SLC38A2: variants seen among roughly 807,000 people sequenced by gnomAD.
The protein encoded by SLC38A2 is sodium-coupled neutral amino acid symporter 2.
A neutral mutation model predicts 61.5 loss-of-function variants in SLC38A2; 11 were observed. The observed-to-expected ratio is 0.18, with a 90% CI of 0.11 to 0.30. SLC38A2 has a LOEUF of 0.30. SLC38A2 is among the 10% of genes least tolerant of loss of function. SLC38A2 has a pLI of 1.00. For synonymous variants in SLC38A2, 217 were observed against 212.5 expected (o/e 1.02, Z -0.18); for missense variants, 522 against 600.4 (o/e 0.87, Z 1.36).
chr12:46,369,823 T>G (rs1488932550), intron 4 of SLC38A2, among the ~76,000 whole-genome samples: 1 of 152,148 alleles, frequency 6.6e-6, no homozygotes, highest in Non-Finnish European at 1.5e-5. Context: ...ATCCACGTAT[T>G]TATGCTGGAA....
chr12:46,366,354 GTATTT>G (rs1291040597), intron 7 of SLC38A2, among the ~76,000 whole-genome samples: 1 of 152,078 alleles, frequency 6.6e-6, no homozygotes, highest in East Asian at 1.9e-4. Context: ...ATTTTATACA[GTATTT>G]TAATTAATTT....
At chr12:46,368,661 C>CTATTAGT (rs1184938375) in intron 4 of SLC38A2, among the ~76,000 whole-genome samples, 1 of 152,166 alleles carries the variant, frequency 6.6e-6, no homozygotes, top group African/African-American at 2.4e-5. Context: ...AAACTGATGT[C>CTATTAGT]TATTAGTTAA....
intron 4 of SLC38A2, 88 bp downstream of exon 4, chr12:46,370,424 C>T: frequency 2.1e-6 from 2 of 971,174 alleles, no homozygotes; most frequent in Non-Finnish European, 3.3e-6. Flanking sequence ...GTCAGCTACT[C>T]CAACTGTAAA....
Position 46,360,627 on chromosome 12 carries a change from TAAAAG to T in SLC38A2, c.*479_*483del. On this transcript the variant is annotated 3_prime_UTR_variant, in exon 16 of 16. Transcript: ENST00000256689. The stretch of plus-strand genomic sequence containing the variant: ...AATAAAGTTCAAAAAAGCAATTTCT[TAAAAG>T]TAAAAGAGTGCTTCTGAGGTCTTTA... The T allele has an allele frequency of 6.5e-6, 1 of 152,938 alleles. No individual in the cohort carries two copies. Among genetic ancestry groups the T allele is most frequent in the South Asian group, 2.1e-4 (1 of 4,830 alleles). 9.5% of individuals were successfully genotyped at this position (152,938 alleles called of 1,614,324 possible).
At position 46,364,504 on chromosome 12, in the gene SLC38A2, A is replaced by G; in HGVS notation, c.758T>C (p.Ile253Thr). The G allele has an allele frequency of 6.2e-7, 1 of 1,612,596 alleles. No individual in the cohort carries two copies. The highest frequency in any genetic ancestry group is 8.5e-7 in the Non-Finnish European group (1 of 1,179,292). The change falls in exon 10 of 16, where the codon ATT becomes ACT. Residue 253 changes from isoleucine (I) to threonine (T), a missense_variant. By Grantham distance (89) the Ile-to-Thr change is moderately conservative. Transcript: ENST00000256689. ...TAAGGTGGTGTTTATTGTTTCGTTA[A>G]TTATCAAAGCAGCTTCCACAGGACA... ...VPCPVEAALI[I>T]NETINTTLTQ...
chr12:46,362,971 A>C (rs1372110798), intron 13 of SLC38A2, 50 bp downstream of exon 13: 10 of 1,603,942 alleles, frequency 6.2e-6, no homozygotes, highest in Non-Finnish European at 8.5e-6. Context: ...ACCAATATTC[A>C]CATGTCTAAA....
intron 13 of SLC38A2, 47 bp downstream of exon 13, chr12:46,362,974 T>G: frequency 6.2e-7 from 1 of 1,605,838 alleles, no homozygotes; most frequent in Non-Finnish European, 8.5e-7. Flanking sequence ...AATATTCACA[T>G]GTCTAAAAAC....
chr12:46,371,424 C>G, intron 1 of SLC38A2, 45 bp from the exon 2 acceptor site: 1 of 701,882 alleles, frequency 1.4e-6, no homozygotes, highest in Non-Finnish European at 2.4e-6. Context: ...CGCCAGCCCG[C>G]CGCGGTCACG....
chr12:46,362,679 C>G (rs1465049810), intron 13 of SLC38A2, 41 bp from the exon 14 acceptor site: 1 of 1,532,532 alleles, frequency 6.5e-7, no homozygotes, highest in Non-Finnish European at 8.7e-7. Context: ...AAAATAGCAG[C>G]AATATAAAAT....
In SLC38A2 at chr12:46,361,066, A is replaced by G; in HGVS notation, c.*45T>C. ...AATTTCATAGTAGTTGAGTTTACTC[A>G]ACACTGGCATCAGATGGACTGAGTT... is the stretch of plus-strand genomic sequence containing the variant. On this transcript the variant is annotated 3_prime_UTR_variant, in exon 16 of 16. Coordinates refer to ENST00000256689, the MANE Select transcript of SLC38A2 (RefSeq NM_018976.5). 1 of 1,473,270 alleles carries G rather than the reference A, an allele frequency of 6.8e-7. No individual in the cohort carries two copies. Among genetic ancestry groups the G allele is most frequent in the African/African-American group, 1.4e-5 (1 of 71,770 alleles). The allele number at this position is 1,473,270 out of a possible 1,614,324, so 91.3% of individuals were successfully genotyped here.
At chr12:46,371,042 T>G in intron 2 of SLC38A2, 136 bp downstream of exon 2, 1 of 872,516 alleles carries the variant, frequency 1.1e-6, no homozygotes. Context: ...AACAAGATAA[T>G]CGGATACTCT....
rs1372288355 is a variant in SLC38A2 at position 46,358,649 on chromosome 12, T to TA, written c.*2461dup. ...TTCATCAAAATGCAGTTAAGAAACT[T>TA]ACAGGAATATATACACTTGAACCCA... On this transcript the variant is annotated 3_prime_UTR_variant, in exon 16 of 16. Transcript: ENST00000256689. 1 of 152,536 alleles carries TA rather than the reference T, an allele frequency of 6.6e-6. No individual in the cohort carries two copies. Among genetic ancestry groups the TA allele is most frequent in the Non-Finnish European group, 1.5e-5 (1 of 68,028 alleles). 9.4% of individuals were successfully genotyped at this position (152,536 alleles called of 1,614,324 possible).
intron 4 of SLC38A2, among the ~76,000 whole-genome samples, chr12:46,369,277 A>G (rs78716285): frequency 0.077 from 11,742 of 152,258 alleles, 559 homozygotes; most frequent in African/African-American, 0.12. Flanking sequence ...AGATTCTAGG[A>G]TTCTACGTAA....
intron 7 of SLC38A2, 116 bp downstream of exon 7, chr12:46,366,748 C>A: frequency 9.8e-7 from 1 of 1,025,422 alleles, no homozygotes; most frequent in African/African-American, 1.7e-5. Flanking sequence ...TGGTCAGTTT[C>A]AAAAGGAACA....
chr12:46,367,035 A>G (rs751504428), intron 6 of SLC38A2, 41 bp downstream of exon 6: 2 of 1,606,040 alleles, frequency 1.2e-6, no homozygotes, highest in Admixed American at 1.7e-5. Flanking sequence ...CTCCACAATG[A>G]GCATAAAGTC....
In SLC38A2 at chr12:46,371,322, C is replaced by G; in HGVS notation, c.-29G>C. 1.3e-6 allele frequency: 2 copies of G among 1,575,302 alleles called. No homozygotes were observed. Among genetic ancestry groups the G allele is most frequent in the Non-Finnish European group, 1.7e-6 (2 of 1,145,010 alleles). On this transcript the variant is annotated 5_prime_UTR_variant, in exon 2 of 16. Coordinates refer to ENST00000256689, the MANE Select transcript of SLC38A2 (RefSeq NM_018976.5). ...AAGCACTGGGAGGAATCGGGTGCAG[C>G]TAGTAGCGCTGGGCTCCTTTTGTCC...
intron 4 of SLC38A2, 126 bp from the exon 5 acceptor site, chr12:46,367,466 G>A (rs1224678145): frequency 6.1e-6 from 4 of 659,856 alleles, no homozygotes; most frequent in Non-Finnish European, 1.1e-5. Flanking sequence ...ATGCCCTGAA[G>A]AACTGGCATT....
intron 15 of SLC38A2, chr12:46,361,870 G>A (rs901137104): frequency 5.6e-5 from 9 of 159,868 alleles, no homozygotes; most frequent in Admixed American, 5.1e-4. Flanking sequence ...ATGAAGAGAC[G>A]GCCTCCCTGA....
Position 46,372,740 on chromosome 12 carries a change from A to C in SLC38A2, c.-318T>G. The C allele has an allele frequency of 2.5e-6, 1 of 398,330 alleles. No homozygotes were observed. The highest frequency in any genetic ancestry group is 4.4e-6 in the Non-Finnish European group (1 of 225,842). The allele number at this position is 398,330 out of a possible 1,614,324, so 24.7% of individuals were successfully genotyped here. A position where few individuals can be genotyped will look rare whatever the true frequency, so the allele number is the denominator to read the frequency against. ...TCGGGCTGCTGCTAGCAGTACTGGA[A>C]AGGCGTTCTAAGGCGGCGGCGTCGC... On this transcript the variant is annotated 5_prime_UTR_variant, in exon 1 of 16. Transcript: ENST00000256689.
Sources: allele counts gnomAD v4.1 joint callset (sites outside exome capture counted in the v4.1 genomes callset), GRCh38; gene constraint gnomAD v4.1.1; transcripts MANE v1.5; gene names NCBI Gene and HGNC (gene_info 2026-07-23, HGNC 2026-07-21).